FBXO22: variants seen among roughly 807,000 people sequenced by gnomAD.
The protein encoded by FBXO22 is F-box protein 22, also known as F-box only protein 22.
Under a neutral mutation model 37.2 loss-of-function variants are expected in FBXO22, and 13 were observed. That is an observed-to-expected ratio of 0.35 (90% confidence interval 0.23 to 0.56). The LOEUF (loss-of-function observed/expected upper bound fraction) is 0.56. Among genes scored for constraint, FBXO22 ranks in the 20% least tolerant of loss-of-function variants. The pLI is 0.87. For synonymous variants in FBXO22, 189 were observed against 189.1 expected, an observed-to-expected ratio of 1.00 and a Z score of 0.00; for missense variants, 446 against 509.9, an observed-to-expected ratio of 0.87 and a Z score of 1.21.
intron 5 of FBXO22, among the ~76,000 whole-genome samples, chr15:75,929,214 T>C (rs1353347938): frequency 6.6e-6 from 1 of 151,898 alleles, no homozygotes; most frequent in Non-Finnish European, 1.5e-5. Flanking sequence ...CATCTTTCAT[T>C]ATGAGGACAC....
intron 5 of FBXO22, among the ~76,000 whole-genome samples, chr15:75,927,026 T>G (rs889989383): frequency 1.3e-5 from 2 of 152,200 alleles, no homozygotes; most frequent in Admixed American, 6.5e-5. Flanking sequence ...TTAAAGGTTT[T>G]GAGGCCAGCA....
chr15:75,906,989 A>G (rs1039889467), intron 2 of FBXO22, among the ~76,000 whole-genome samples: 7 of 152,244 alleles, frequency 4.6e-5, no homozygotes, highest in Non-Finnish European at 1.0e-4. Flanking sequence ...CTGAATTATT[A>G]AAGACAAAAA....
rs1315179880 is a variant in FBXO22 at position 75,938,894 on chromosome 15, A to G, written c.*5792A>G. On this transcript the variant is annotated 3_prime_UTR_variant, in exon 7 of 7. Transcript: ENST00000308275. Reference sequence around the variant, plus strand: ...CACTCAACCAATGGGTCAAAGAAGAAATCACAAGGGAAATTAAAAAGAGAA... The same window carrying G: ...CACTCAACCAATGGGTCAAAGAAGAGATCACAAGGGAAATTAAAAAGAGAA... 1 of 152,188 alleles carries G rather than the reference A, an allele frequency of 6.6e-6. No individual in the cohort carries two copies. The highest frequency in any genetic ancestry group is 1.5e-5 in the Non-Finnish European group (1 of 68,028). The allele number at this position is 152,188 out of a possible 1,614,324, so 9.4% of individuals were successfully genotyped here.
chr15:75,908,339 C>G (rs1899974255), intron 2 of FBXO22, among the ~76,000 whole-genome samples: 1 of 151,370 alleles, frequency 6.6e-6, no homozygotes, highest in South Asian at 2.1e-4. Flanking sequence ...GTGGCCCGAT[C>G]TTGGCTCAGT....
intron 2 of FBXO22, among the ~76,000 whole-genome samples, chr15:75,906,179 G>C (rs535259752): frequency 6.6e-6 from 1 of 151,994 alleles, no homozygotes; most frequent in Non-Finnish European, 1.5e-5. Context: ...CACTTTTCTT[G>C]TTTTCTGGCA....
intron 1 of FBXO22, 138 bp from the exon 2 acceptor site, chr15:75,904,349 CCTGA>C (rs769405706): frequency 6.2e-6 from 8 of 1,287,164 alleles, no homozygotes; most frequent in African/African-American, 1.5e-5. Context: ...GAACTAGCGC[CCTGA>C]CTGACACCTA....
At chr15:75,922,424 T>C (rs1900348156) in intron 5 of FBXO22, among the ~76,000 whole-genome samples, 1 of 152,176 alleles carries the variant, frequency 6.6e-6, no homozygotes, top group African/African-American at 2.4e-5. Flanking sequence ...TCAAGGAGGC[T>C]TCCAGAAGCA....
At position 75,904,692 on chromosome 15, in the gene FBXO22, A is replaced by AT. The variant is rs953887483; in HGVS notation, c.279+72dup. On this transcript the variant is annotated intron_variant, in intron 2 of 6. Transcript: ENST00000308275. ...GTTGGTGGTTCAGTCTTTGAGAACT[A>AT]TTTTTTTTTAAATCCCAGTTTTGTT... 737 of 1,399,522 alleles carry AT rather than the reference A, an allele frequency of 5.3e-4. 1 individual carries two copies. Among genetic ancestry groups the AT allele is most frequent in the South Asian group, 6.7e-4 (47 of 70,460 alleles). The allele number at this position is 1,399,522 out of a possible 1,614,324, so 86.7% of individuals were successfully genotyped here. A position where few individuals can be genotyped will look rare whatever the true frequency, so the allele number is the denominator to read the frequency against.
chr15:75,923,202 G>A (rs1900367259), intron 5 of FBXO22, among the ~76,000 whole-genome samples: 1 of 152,242 alleles, frequency 6.6e-6, no homozygotes, highest in South Asian at 2.1e-4. Context: ...AAAATCTTGA[G>A]CAGCAGAAAC....
At chr15:75,906,367 A>G (rs1699263) in intron 2 of FBXO22, among the ~76,000 whole-genome samples, 30,246 of 152,054 alleles carry the variant, frequency 0.2, 3,394 homozygotes, top group Admixed American at 0.29. Flanking sequence ...GCCAAGGAAT[A>G]TAAGTATGTA....
intron 6 of FBXO22, chr15:75,930,523 A>G: frequency 1.0e-6 from 1 of 987,574 alleles, no homozygotes; most frequent in Non-Finnish European, 1.2e-6. Flanking sequence ...TTTTCCACAG[A>G]ATGTCTTGCA....
rs576436143 is a variant in FBXO22, at chr15:75,931,351, G to T, written c.794+1302G>T. Among the ~76,000 whole-genome samples, 7 of 152,176 alleles carry T rather than the reference G, an allele frequency of 4.6e-5. No individual in the cohort carries two copies. The South Asian group carries it at 1.2e-3, about 27-fold the overall frequency. On this transcript the variant is annotated intron_variant, in intron 6 of 6. Coordinates refer to ENST00000308275, the MANE Select transcript of FBXO22 (RefSeq NM_147188.3). ...CTTCATACTCTGTCAGTGGTTAAGA[G>T]AAACCATTGAGTAAATGAGGGCTCC...
In FBXO22 at chr15:75,935,211, A is replaced by G. The variant is rs879308416; in HGVS notation, c.*2109A>G. The G allele has an allele frequency of 6.6e-6, 1 of 152,240 alleles. No individual in the cohort carries two copies. Among genetic ancestry groups the G allele is most frequent in the Non-Finnish European group, 1.5e-5 (1 of 68,038 alleles). 9.4% of individuals were successfully genotyped at this position (152,240 alleles called of 1,614,324 possible). On this transcript the variant is annotated 3_prime_UTR_variant, in exon 7 of 7. Transcript: ENST00000308275. The stretch of plus-strand genomic sequence containing the variant: ...AAAGTTAAATCTGTGTAACTCATTT[A>G]TTACAATTTTGAAAGGCTTGTCTTA...
chr15:75,929,537 TGA>T (rs1368204533), intron 5 of FBXO22, among the ~76,000 whole-genome samples: 1 of 151,526 alleles, frequency 6.6e-6, no homozygotes, highest in African/African-American at 2.4e-5. Context: ...TGTTCCCTAC[TGA>T]GAGCCAGCTT....
chr15:75,917,126 C>G (rs1403120066), intron 4 of FBXO22, 104 bp from the exon 5 acceptor site: 1 of 817,718 alleles, frequency 1.2e-6, no homozygotes, highest in South Asian at 1.8e-5. Flanking sequence ...AAAACTTTTA[C>G]TCAGATAGTG....
At chr15:75,924,350 C>A (rs1900394712) in intron 5 of FBXO22, among the ~76,000 whole-genome samples, 1 of 152,178 alleles carries the variant, frequency 6.6e-6, no homozygotes, top group African/African-American at 2.4e-5. Flanking sequence ...CAGTAAGGAT[C>A]TCCTTGAGCC....
At chr15:75,919,843 G>A (rs761794804) in intron 5 of FBXO22, among the ~76,000 whole-genome samples, 2 of 152,188 alleles carry the variant, frequency 1.3e-5, no homozygotes, top group African/African-American at 4.8e-5. Flanking sequence ...GACAATTAAC[G>A]ATGGCCAATG....
Position 75,938,045 on chromosome 15 carries a change from C to T in FBXO22, c.*4943C>T, listed in dbSNP as rs570166532. The T allele has an allele frequency of 4.6e-5, 7 of 152,238 alleles. No homozygotes were observed. Among genetic ancestry groups the T allele is most frequent in the Non-Finnish European group, 1.0e-4 (7 of 68,054 alleles). The allele number at this position is 152,238 out of a possible 1,614,324, so 9.4% of individuals were successfully genotyped here. On this transcript the variant is annotated 3_prime_UTR_variant, in exon 7 of 7. Coordinates refer to ENST00000308275, the MANE Select transcript of FBXO22 (RefSeq NM_147188.3). ...TGCCCGGAAAGTTCTAAGACCCAAG[C>T]TTTCACCTTGGTCTGGTCCCTAAGC...
chr15:75,941,359 A>G lies in FBXO22; in HGVS notation c.*8257A>G, dbSNP rs947487393. The G allele has an allele frequency of 1.3e-5, 2 of 152,170 alleles. No homozygotes were observed. Among genetic ancestry groups the G allele is most frequent in the Non-Finnish European group, 2.9e-5 (2 of 67,990 alleles). 9.4% of individuals were successfully genotyped at this position (152,170 alleles called of 1,614,324 possible). The stretch of plus-strand genomic sequence containing the variant: ...ATAGTGGTATGCAGCTGCTGTAGAA[A>G]ACAGTATGGTGATTTTCCAATTAAA... On this transcript the variant is annotated 3_prime_UTR_variant, in exon 7 of 7. Coordinates refer to ENST00000308275, the MANE Select transcript of FBXO22 (RefSeq NM_147188.3).
Sources: allele counts gnomAD v4.1 joint callset (sites outside exome capture counted in the v4.1 genomes callset), GRCh38; gene constraint gnomAD v4.1.1; transcripts MANE v1.5; gene names NCBI Gene and HGNC (gene_info 2026-07-23, HGNC 2026-07-21).